The following SLC26A7 variants were observed in gnomAD, a reference collection of about 807,000 sequenced individuals.
SLC26A7 encodes solute carrier family 26 member 7.
A neutral mutation model predicts 82.5 loss-of-function variants in SLC26A7; 59 were observed. The observed-to-expected ratio is 0.72, with a 90% CI of 0.58 to 0.89. SLC26A7 has a LOEUF of 0.89. SLC26A7 is among the 40% of genes least tolerant of loss of function. The pLI is 0.00. For synonymous variants in SLC26A7, 271 were observed against 274.3 expected (o/e 0.99, Z 0.12); for missense variants, 820 against 793.0 (o/e 1.03, Z -0.41).
chr8:91,369,908 C>T, intron 15 of SLC26A7, 75 bp downstream of exon 15: 2 of 1,133,700 alleles, frequency 1.8e-6, no homozygotes, highest in East Asian at 5.1e-5. Flanking sequence ...ATCTTCTTCC[C>T]CTTCTCCTCC....
chr8:91,357,945 C>T (rs1813919701), intron 11 of SLC26A7, among the ~76,000 whole-genome samples: 2 of 152,116 alleles, frequency 1.3e-5, no homozygotes, highest in African/African-American at 2.4e-5. Flanking sequence ...AAAAAGTGGG[C>T]AAAGGACATG....
intron 18 of SLC26A7, chr8:91,394,811 A>G: frequency 1.1e-6 from 1 of 897,650 alleles, no homozygotes; most frequent in East Asian, 3.2e-5. Context: ...ATGATAATTT[A>G]ACCCATTTTT....
At chr8:91,275,488 C>G (rs186720062) in intron 2 of SLC26A7, among the ~76,000 whole-genome samples, 1 of 152,068 alleles carries the variant, frequency 6.6e-6, no homozygotes, top group Non-Finnish European at 1.5e-5. Context: ...TTTGTGGAGA[C>G]AGGGTCTCAT....
chr8:91,372,390 A>C (rs1201804063), intron 15 of SLC26A7, among the ~76,000 whole-genome samples: 2 of 152,086 alleles, frequency 1.3e-5, no homozygotes, highest in Non-Finnish European at 2.9e-5. Flanking sequence ...TCGTTAATCC[A>C]TCTTGAGTTA....
Position 91,395,390 on chromosome 8 carries a change from T to C in SLC26A7, c.*293T>C. ...TTTTATTTTACCATATTATTTTGTG[T>C]TGTTTTATTTCTATTGTGCTGTAAG... On this transcript the variant is annotated 3_prime_UTR_variant, in exon 19 of 19. Transcript: ENST00000276609. The C allele has an allele frequency of 2.1e-6, 1 of 470,930 alleles. No individual in the cohort carries two copies. The highest frequency in any genetic ancestry group is 4.8e-5 in the Admixed American group (1 of 20,794). The allele number at this position is 470,930 out of a possible 1,614,324, so 29.2% of individuals were successfully genotyped here.
intron 2 of SLC26A7, among the ~76,000 whole-genome samples, chr8:91,286,484 C>T (rs956555947): frequency 6.6e-6 from 1 of 152,142 alleles, no homozygotes; most frequent in African/African-American, 2.4e-5. Flanking sequence ...TTTCATCCAT[C>T]CCCTCAGCCA....
In SLC26A7 at chr8:91,333,746, A is replaced by G. The variant is rs1405100024; in HGVS notation, c.643-549A>G. On this transcript the variant is annotated intron_variant, in intron 5 of 18. Transcript: ENST00000276609. ...AATTTTTTACTATGTAGACCTCGCA[A>G]TGGGCATGGTGCTTGGTATAAAGTA... Among the ~76,000 whole-genome samples, 4 of 152,192 alleles carry G rather than the reference A, an allele frequency of 2.6e-5. No individual in the cohort carries two copies. The East Asian group carries it at 7.7e-4, about 29-fold the overall frequency.
Position 91,362,397 on chromosome 8 carries a change from C to T in SLC26A7, c.1359C>T (p.Ala453=). 6.2e-7 allele frequency: 1 copy of T among 1,613,218 alleles called. No individual in the cohort carries two copies. The highest frequency in any genetic ancestry group is 1.1e-5 in the South Asian group (1 of 91,016). Residue 453 remains alanine (A), a synonymous_variant, in exon 12 of 19, where the codon GCC becomes GCT. Transcript: ENST00000276609. ...ATGTATTTACAATATGCTTTGCTGC[C>T]AATGTGGGACTGCTGTTTGGTGTTG... The part of the protein sequence containing the change: ...STYVFTICFA[A]NVGLLFGVVC...
intron 11 of SLC26A7, among the ~76,000 whole-genome samples, chr8:91,355,964 G>C (rs1372347196): frequency 6.6e-6 from 1 of 152,036 alleles, no homozygotes; most frequent in African/African-American, 2.4e-5. Flanking sequence ...ACCTATGAGT[G>C]AGAACATACA....
intron 2 of SLC26A7, among the ~76,000 whole-genome samples, chr8:91,259,782 T>C (rs1398858542): frequency 6.6e-6 from 1 of 152,104 alleles, no homozygotes; most frequent in Admixed American, 6.6e-5. Flanking sequence ...GTTCAGTAAT[T>C]CTCAACCATG....
intron 4 of SLC26A7, among the ~76,000 whole-genome samples, chr8:91,304,048 T>G (rs1283709913): frequency 2.0e-5 from 3 of 152,242 alleles, no homozygotes; most frequent in Non-Finnish European, 4.4e-5. Context: ...TATAAAAAAC[T>G]TTCCTTATGT....
intron 2 of SLC26A7, among the ~76,000 whole-genome samples, chr8:91,224,465 T>TG (rs1367390943): frequency 6.6e-6 from 1 of 152,170 alleles, no homozygotes; most frequent in Non-Finnish European, 1.5e-5. Flanking sequence ...TGCAGTTGGC[T>TG]GGGGGTTCAC....
At position 91,236,442 on chromosome 8, in the gene SLC26A7, G is replaced by A. The variant is rs1810393788; in HGVS notation, c.-33-13177G>A. Among the ~76,000 whole-genome samples, 7 of 152,184 alleles carry A rather than the reference G, an allele frequency of 4.6e-5. No individual in the cohort carries two copies. The South Asian group carries it at 1.5e-3, about 32-fold the overall frequency. ...TAGGTAAGAACAGCAGATACCCAAT[G>A]CCCTCATGTTGTCAAGTGTGCATCA... On this transcript the variant is annotated intron_variant, in intron 2 of 5. Transcript: ENST00000522862.
At chr8:91,366,828 T>C in intron 14 of SLC26A7, 111 bp downstream of exon 14, 1 of 1,215,108 alleles carries the variant, frequency 8.2e-7, no homozygotes. Context: ...TCGAGACCTC[T>C]CCCTTCAGCA....
chr8:91,278,179 G>A lies in SLC26A7; in HGVS notation c.194-10957G>A, dbSNP rs368166462. The stretch of plus-strand genomic sequence containing the variant: ...CCTCTGAGTTGGCATGTATGAGTGG[G>A]CATTAACAGAATCCCAGAGCAGGTG... On this transcript the variant is annotated intron_variant, in intron 2 of 18. Coordinates refer to ENST00000276609, the MANE Select transcript of SLC26A7 (RefSeq NM_052832.4). Among the ~76,000 whole-genome samples, 30 of 152,064 alleles carry A rather than the reference G, an allele frequency of 2.0e-4. No homozygotes were observed. In the East Asian group the frequency reaches 4.3e-3, roughly 22 times the overall value.
chr8:91,258,418 T>A (rs1339526609), intron 2 of SLC26A7, among the ~76,000 whole-genome samples: 1 of 152,062 alleles, frequency 6.6e-6, no homozygotes, highest in Non-Finnish European at 1.5e-5. Flanking sequence ...CTACACAGTT[T>A]TTCATGCCAG....
chr8:91,349,440 A>G (rs143189744), intron 9 of SLC26A7, among the ~76,000 whole-genome samples: 2 of 152,314 alleles, frequency 1.3e-5, no homozygotes, highest in African/African-American at 4.8e-5. Flanking sequence ...TAAATTAAAT[A>G]TTATTTAGAG....
chr8:91,236,659 G>C (rs1810397196), intron 2 of SLC26A7, among the ~76,000 whole-genome samples: 1 of 151,530 alleles, frequency 6.6e-6, no homozygotes, highest in Non-Finnish European at 1.5e-5. Flanking sequence ...TTAAGAGTTA[G>C]TGCAAGAAGA....
At chr8:91,353,614 T>C (rs1049760129) in intron 11 of SLC26A7, among the ~76,000 whole-genome samples, 3 of 152,128 alleles carry the variant, frequency 2.0e-5, no homozygotes, top group Non-Finnish European at 4.4e-5. Context: ...CTCTCCAATA[T>C]GGGAGAAGTA....
Sources: allele counts gnomAD v4.1 joint callset (sites outside exome capture counted in the v4.1 genomes callset), GRCh38; gene constraint gnomAD v4.1.1; transcripts MANE v1.5; gene names NCBI Gene and HGNC (gene_info 2026-07-23, HGNC 2026-07-21).